The following CLIC4 variants were observed in gnomAD, a reference collection of about 807,000 sequenced individuals.
The protein encoded by CLIC4 is chloride intracellular channel protein 4.
CLIC4 carries 13 observed loss-of-function variants against 24.6 expected under a neutral mutation model. The ratio of observed to expected loss-of-function variants is 0.53; its 90% CI spans 0.34 to 0.84. The LOEUF (loss-of-function observed/expected upper bound fraction) is 0.84. Ranked by LOEUF, CLIC4 falls within the 40% of genes least tolerant of loss-of-function variation. The pLI, the probability that CLIC4 is intolerant of heterozygous loss-of-function variation, is 0.01. For missense variants in CLIC4, 227 were observed against 301.7 expected, an observed-to-expected ratio of 0.75 and a Z score of 1.83; for synonymous variants, 104 against 111.3, an observed-to-expected ratio of 0.93 and a Z score of 0.41.
chr1:24,748,492 G>GTTTTTTTTTTTTTTTTTTTT (rs1360200160), intron 1 of CLIC4, among the ~76,000 whole-genome samples: 1 of 63,172 alleles, frequency 1.6e-5, no homozygotes. Flanking sequence ...TACAGATCAG[G>GTTTTTTTTTTTTTTTTTTTT]TTTTTTGTTT....
chr1:24,839,361 G>A (rs1639915988), intron 4 of CLIC4, among the ~76,000 whole-genome samples: 1 of 152,142 alleles, frequency 6.6e-6, no homozygotes, highest in Non-Finnish European at 1.5e-5. Context: ...GTGCAGTGGT[G>A]CTATCTCGGC....
chr1:24,754,343 CT>C (rs1437071673), intron 1 of CLIC4, among the ~76,000 whole-genome samples: 2 of 152,140 alleles, frequency 1.3e-5, no homozygotes, highest in Non-Finnish European at 2.9e-5. Flanking sequence ...GGGAAGATGC[CT>C]GCAGAGGTGC....
intron 4 of CLIC4, among the ~76,000 whole-genome samples, chr1:24,839,577 G>A (rs1383807325): frequency 1.3e-5 from 2 of 152,218 alleles, no homozygotes; most frequent in East Asian, 3.8e-4. Context: ...GGGATTACAG[G>A]CGTGAGCCAC....
intron 1 of CLIC4, among the ~76,000 whole-genome samples, chr1:24,749,725 A>G (rs924947148): frequency 6.6e-6 from 1 of 151,992 alleles, no homozygotes; most frequent in South Asian, 2.1e-4. Context: ...TAGGAGGCCA[A>G]GGAGGATGAA....
rs568568148 is a variant in CLIC4, at chr1:24,792,812, C to G, written c.73-4930C>G. On this transcript the variant is annotated intron_variant, in intron 1 of 5. Coordinates refer to ENST00000374379, the MANE Select transcript of CLIC4 (RefSeq NM_013943.3). Reference sequence around the variant, plus strand: ...AAATTTTAGAGAAAGGAGGCAGTCACCTGTGAAAGGAAAGAGGCATTTCTG... The same window carrying G: ...AAATTTTAGAGAAAGGAGGCAGTCAGCTGTGAAAGGAAAGAGGCATTTCTG... 2.0e-5 allele frequency among the ~76,000 whole-genome samples: 3 copies of G among 152,258 alleles called. No homozygotes were observed. The East Asian group carries it at 5.8e-4, about 29-fold the overall frequency.
At chr1:24,810,104 C>G (rs1213160238) in intron 2 of CLIC4, among the ~76,000 whole-genome samples, 1 of 152,184 alleles carries the variant, frequency 6.6e-6, no homozygotes, top group Non-Finnish European at 1.5e-5. Context: ...GTCGTTTCAT[C>G]CCTACTTAAT....
chr1:24,795,335 A>G (rs1639385479), intron 1 of CLIC4, among the ~76,000 whole-genome samples: 1 of 151,992 alleles, frequency 6.6e-6, no homozygotes, highest in Non-Finnish European at 1.5e-5. Flanking sequence ...ATCTTTTGCT[A>G]TTTTCTTGCT....
chr1:24,798,908 A>G (rs981105099), intron 2 of CLIC4, among the ~76,000 whole-genome samples: 30 of 152,232 alleles, frequency 2.0e-4, no homozygotes, highest in Admixed American at 1.6e-3. Flanking sequence ...CGGCCTCCCG[A>G]GGTGCCGGGA....
intron 1 of CLIC4, among the ~76,000 whole-genome samples, chr1:24,770,323 G>A (rs963783233): frequency 2.7e-4 from 40 of 149,710 alleles, no homozygotes; most frequent in African/African-American, 7.6e-4. Context: ...AAAAAAAAAG[G>A]CAAGGAAGTT....
chr1:24,750,440 T>TTTC (rs1557792553), intron 1 of CLIC4, among the ~76,000 whole-genome samples: 3 of 143,124 alleles, frequency 2.1e-5, no homozygotes, highest in African/African-American at 8.2e-5. Flanking sequence ...TTCTTTCTTT[T>TTTC]TTTTTTTTTT....
chr1:24,757,436 T>C (rs1365205226), intron 1 of CLIC4, among the ~76,000 whole-genome samples: 2 of 152,150 alleles, frequency 1.3e-5, no homozygotes, highest in Non-Finnish European at 2.9e-5. Flanking sequence ...CGAGAGTGAA[T>C]ATTCATTAAA....
intron 1 of CLIC4, among the ~76,000 whole-genome samples, chr1:24,777,396 TAGTC>T (rs1393340476): frequency 6.6e-6 from 1 of 151,972 alleles, no homozygotes; most frequent in Admixed American, 6.6e-5. Flanking sequence ...ATACAAGAAT[TAGTC>T]AGGCGTGGTG....
chr1:24,803,033 T>C (rs1639507776), intron 2 of CLIC4, among the ~76,000 whole-genome samples: 1 of 152,184 alleles, frequency 6.6e-6, no homozygotes, highest in Non-Finnish European at 1.5e-5. Flanking sequence ...TCTATGAGTT[T>C]ACACACTTGC....
chr1:24,759,554 A>G (rs531130858), intron 1 of CLIC4, among the ~76,000 whole-genome samples: 1 of 152,092 alleles, frequency 6.6e-6, no homozygotes, highest in African/African-American at 2.4e-5. Flanking sequence ...ATTAAATGAG[A>G]TAATTGATTT....
chr1:24,765,407 A>T (rs1638981030), intron 1 of CLIC4, among the ~76,000 whole-genome samples: 1 of 152,244 alleles, frequency 6.6e-6, no homozygotes, highest in African/African-American at 2.4e-5. Context: ...CTAAAAGATC[A>T]CATGATTGGG....
At chr1:24,792,822 G>C (rs535574906) in intron 1 of CLIC4, among the ~76,000 whole-genome samples, 16 of 152,338 alleles carry the variant, frequency 1.1e-4, no homozygotes, top group Non-Finnish European at 2.1e-4. Flanking sequence ...CCTGTGAAAG[G>C]AAAGAGGCAT....
intron 1 of CLIC4, among the ~76,000 whole-genome samples, chr1:24,749,914 GCAAAACCCCATCTCTA>G (rs1198502359): frequency 2.0e-5 from 3 of 152,148 alleles, no homozygotes; most frequent in African/African-American, 7.2e-5. Flanking sequence ...GGGCAACGTA[GCAAAACCCCATCTCTA>G]CAAAAAATAT....
At chr1:24,795,348 C>G (rs1639385541) in intron 1 of CLIC4, among the ~76,000 whole-genome samples, 1 of 151,974 alleles carries the variant, frequency 6.6e-6, no homozygotes, top group South Asian at 2.1e-4. Flanking sequence ...TTCTTGCTCT[C>G]TGAAGGAATG....
chr1:24,798,849 G>A (rs1370550241), intron 2 of CLIC4, among the ~76,000 whole-genome samples: 1 of 152,242 alleles, frequency 6.6e-6, no homozygotes, highest in East Asian at 1.9e-4. Context: ...GTTTCGCTGT[G>A]TTGGCCGGGC....
Sources: allele counts gnomAD v4.1 joint callset (sites outside exome capture counted in the v4.1 genomes callset), GRCh38; gene constraint gnomAD v4.1.1; transcripts MANE v1.5; gene names NCBI Gene and HGNC (gene_info 2026-07-23, HGNC 2026-07-21).